Variants in CWC22 observed in about 807,000 individuals in gnomAD.
CWC22 encodes CWC22 spliceosome associated protein, also known as pre-mRNA-splicing factor CWC22 homolog.
Under a neutral mutation model 117.2 loss-of-function variants are expected in CWC22, and 53 were observed. That is an observed-to-expected ratio of 0.45 (90% confidence interval 0.36 to 0.57). The LOEUF is 0.57. CWC22 is among the 20% of genes least tolerant of loss of function. The pLI, the probability that CWC22 is intolerant of heterozygous loss-of-function variation, is 0.00. For synonymous variants in CWC22, 360 were observed against 355.6 expected (o/e 1.01, Z -0.14); for missense variants, 980 against 1,068.8 (o/e 0.92, Z 1.16).
At chr2:179,996,590 TA>T (rs1559298265) in intron 1 of CWC22, among the ~76,000 whole-genome samples, 1 of 151,872 alleles carries the variant, frequency 6.6e-6, no homozygotes. Context: ...ATGCAGAAGC[TA>T]AAAAAGTGGA....
chr2:179,986,926 G>A, intron 3 of CWC22, 121 bp from the exon 4 acceptor site: 1 of 493,070 alleles, frequency 2.0e-6, no homozygotes, highest in Non-Finnish European at 3.5e-6. Context: ...GTGTCAAACT[G>A]TTCTTAACAG....
At chr2:179,959,890 T>C (rs568755790) in intron 13 of CWC22, among the ~76,000 whole-genome samples, 1 of 152,082 alleles carries the variant, frequency 6.6e-6, no homozygotes, top group Non-Finnish European at 1.5e-5. Context: ...AGCATGTGAA[T>C]AACATCTCAA....
At chr2:179,958,955 C>T (rs1388508926) in intron 14 of CWC22, 67 bp downstream of exon 14, 2 of 888,964 alleles carry the variant, frequency 2.2e-6, no homozygotes, top group Admixed American at 2.2e-5. Context: ...AAAACTTACC[C>T]ATTAACAGCC....
rs1370604769 is a variant in CWC22, at chr2:179,950,506, C to A, written c.2140+6G>T. On this transcript the variant is annotated splice_donor_region_variant and intron_variant, in intron 19 of 19. Coordinates refer to ENST00000410053, the MANE Select transcript of CWC22 (RefSeq NM_020943.3). ...AGCAAGCCAAATTACACATAAGCTT[C>A]AATACCTGAGGCAGAGCTATGACTA... 6.3e-7 allele frequency: 1 copy of A among 1,582,108 alleles called. No homozygotes were observed. The highest frequency in any genetic ancestry group is 8.7e-7 in the Non-Finnish European group (1 of 1,155,530).
rs144028945 is a variant in CWC22, at chr2:179,947,571, C to A, written c.2141-1856G>T. Among the ~76,000 whole-genome samples, 531 of 152,296 alleles carry A rather than the reference C, an allele frequency of 3.5e-3. 2 individuals are homozygous for A. The highest frequency in any genetic ancestry group is 0.012 in the African/African-American group (513 of 41,548). On this transcript the variant is annotated intron_variant, in intron 19 of 19. Coordinates refer to ENST00000410053, the MANE Select transcript of CWC22 (RefSeq NM_020943.3). Reference sequence around the variant, plus strand: ...TTTGAATCAGCAAGCTTCCTTATTGCAGCAATTCATGCTGTGTTATCATCT... The same window carrying A: ...TTTGAATCAGCAAGCTTCCTTATTGAAGCAATTCATGCTGTGTTATCATCT...
chr2:179,994,096 CTAAG>C (rs1160765385), intron 1 of CWC22, among the ~76,000 whole-genome samples: 1 of 152,124 alleles, frequency 6.6e-6, no homozygotes, highest in Non-Finnish European at 1.5e-5. Flanking sequence ...TTTTAATACT[CTAAG>C]TAAGTTTTAG....
chr2:179,965,478 G>A (rs959178957), intron 12 of CWC22, among the ~76,000 whole-genome samples: 2 of 152,152 alleles, frequency 1.3e-5, no homozygotes, highest in Admixed American at 1.3e-4. Flanking sequence ...AAAATGAACA[G>A]CAAATATGCA....
At chr2:179,998,844 C>T (rs182064405) in intron 1 of CWC22, among the ~76,000 whole-genome samples, 25 of 152,238 alleles carry the variant, frequency 1.6e-4, no homozygotes, top group African/African-American at 6.0e-4. Flanking sequence ...CAAGATTTAG[C>T]GTTTTCCTTT....
chr2:179,986,207 A>G (rs1687415532), intron 4 of CWC22, among the ~76,000 whole-genome samples: 1 of 152,148 alleles, frequency 6.6e-6, no homozygotes, highest in Non-Finnish European at 1.5e-5. Flanking sequence ...CTAAAGCTCA[A>G]GTAAGAATCC....
chr2:179,951,055 G>A, intron 17 of CWC22, 129 bp from the exon 18 acceptor site: 2 of 612,900 alleles, frequency 3.3e-6, no homozygotes, highest in Non-Finnish European at 5.7e-6. Context: ...ACTAGTTGAT[G>A]TCATTTATTA....
At position 179,993,355 on chromosome 2, in the gene CWC22, T is replaced by C. The variant is rs1687618136; in HGVS notation, c.-14A>G. 1.3e-6 allele frequency: 2 copies of C among 1,560,788 alleles called. No individual in the cohort carries two copies. Among genetic ancestry groups the C allele is most frequent in the South Asian group, 1.2e-5 (1 of 85,076 alleles). On this transcript the variant is annotated 5_prime_UTR_variant, in exon 2 of 20. Coordinates refer to ENST00000410053, the MANE Select transcript of CWC22 (RefSeq NM_020943.3). ...ACTACTTTTCATTTTCTGTTGCCAG[T>C]TGGTCCAATAAATCAAAGATGCTTC...
intron 1 of CWC22, among the ~76,000 whole-genome samples, chr2:179,994,461 A>C (rs900712707): frequency 6.6e-6 from 1 of 152,206 alleles, no homozygotes; most frequent in African/African-American, 2.4e-5. Flanking sequence ...TACAACTAGA[A>C]ACCTACCATA....
Position 179,993,480 on chromosome 2 carries a change from T to C in CWC22, c.-113-26A>G. The C allele has an allele frequency of 6.3e-6, 4 of 631,510 alleles. No homozygotes were observed. In the South Asian group the frequency reaches 7.7e-5, roughly 12 times the overall value. 39.1% of individuals were successfully genotyped at this position (631,510 alleles called of 1,614,324 possible). A position where few individuals can be genotyped will look rare whatever the true frequency, so the allele number is the denominator to read the frequency against. On this transcript the variant is annotated intron_variant, in intron 1 of 19. Coordinates refer to ENST00000410053, the MANE Select transcript of CWC22 (RefSeq NM_020943.3). Reference sequence around the variant, plus strand: ...CTATAAAATATACCAAAGAAAGCTTTATTAACACTAACAAAGTGTGAAAAA... The same window carrying C: ...CTATAAAATATACCAAAGAAAGCTTCATTAACACTAACAAAGTGTGAAAAA...
At chr2:180,002,340 GGGGGAAGGTTCCATTTAGGCTA>G (rs1205399944) in intron 1 of CWC22, among the ~76,000 whole-genome samples, 1 of 152,178 alleles carries the variant, frequency 6.6e-6, no homozygotes, top group African/African-American at 2.4e-5. Context: ...ATAGGAGGCT[GGGGGAAGGTTCCATTTAGGCTA>G]GGGCCATAAT....
intron 1 of CWC22, among the ~76,000 whole-genome samples, chr2:179,998,154 CTT>C (rs1369178975): frequency 2.0e-5 from 3 of 152,276 alleles, no homozygotes; most frequent in African/African-American, 7.2e-5. Context: ...ACATAAGAAA[CTT>C]TGGTTCTCAA....
intron 1 of CWC22, among the ~76,000 whole-genome samples, chr2:179,995,496 C>T (rs1049443224): frequency 6.6e-6 from 1 of 152,144 alleles, no homozygotes; most frequent in Non-Finnish European, 1.5e-5. Flanking sequence ...CACTGTTTTC[C>T]TCTAAGAACT....
rs563856549 is a variant in CWC22, at chr2:179,978,806, C to G, written c.453-488G>C. On this transcript the variant is annotated intron_variant, in intron 5 of 19. Coordinates refer to ENST00000410053, the MANE Select transcript of CWC22 (RefSeq NM_020943.3). ...AGACAACAAAATTAAATGTTTTAAG[C>G]CACAAAGAAATGGTAACTACAGGAA... Among the ~76,000 whole-genome samples, 78 of 152,154 alleles carry G rather than the reference C, an allele frequency of 5.1e-4. 1 individual carries two copies. Among genetic ancestry groups the G allele is most frequent in the African/African-American group, 1.5e-3 (64 of 41,540 alleles).
At chr2:179,959,446 C>T (rs1030572654) in intron 13 of CWC22, among the ~76,000 whole-genome samples, 5 of 152,130 alleles carry the variant, frequency 3.3e-5, no homozygotes, top group Admixed American at 6.5e-5. Context: ...AGAAATGTTC[C>T]GGAATTAGAC....
intron 11 of CWC22, among the ~76,000 whole-genome samples, chr2:179,967,576 T>G (rs1264112022): frequency 2.0e-5 from 3 of 152,210 alleles, no homozygotes; most frequent in Non-Finnish European, 2.9e-5. Context: ...GGCATCAAAC[T>G]TCACTAGTAA....
Sources: gnomAD v4.1 joint callset for allele counts (sites outside exome capture counted in the v4.1 genomes callset) on GRCh38, gnomAD v4.1.1 for gene constraint, MANE v1.5 for transcripts, NCBI Gene and HGNC (gene_info 2026-07-23, HGNC 2026-07-21) for gene names.